Variants in ZNF469 observed in about 807,000 individuals in gnomAD.
The protein encoded by ZNF469 is zinc finger protein 469.
A neutral mutation model predicts 1.0 loss-of-function variants in ZNF469; 1 was observed. The ratio of observed to expected loss-of-function variants is 1.00; its 90% confidence interval spans 0.35 to 4.73. The LOEUF (loss-of-function observed/expected upper bound fraction) is 4.73, where lower values mean the gene tolerates loss of function less well. Ranked by LOEUF, ZNF469 falls within the 30% of genes most tolerant of loss-of-function variation. ZNF469 has a pLI of 0.16. For synonymous variants in ZNF469, 2,703 were observed against 2,363.4 expected (o/e 1.14, Z -4.17); for missense variants, 6,100 against 5,356.3 (o/e 1.14, Z -4.33).
chr16:88,430,776 G>C lies in ZNF469; in HGVS notation c.3306G>C (p.Glu1102Asp). The change falls in exon 3 of 3, where the codon GAG (glutamate) becomes GAC (aspartate). Residue 1102 changes from glutamate (E) to aspartate (D), a missense_variant. Physicochemically the swap from Glu to Asp is conservative, Grantham distance 45 (BLOSUM62 2). Coordinates refer to ENST00000565624, the MANE Select transcript of ZNF469 (RefSeq NM_001367624.2). ...YDFASESEED[E>D]QPPPRGPGFR... Reference sequence around the variant, plus strand: ...TCGCCTCGGAGTCCGAGGAGGACGAGCAGCCTCCGCCGCGGGGCCCCGGCT... The same window carrying C: ...TCGCCTCGGAGTCCGAGGAGGACGACCAGCCTCCGCCGCGGGGCCCCGGCT... 1 of 1,525,286 alleles carries C rather than the reference G, an allele frequency of 6.6e-7. No homozygotes were observed. 94.5% of individuals were successfully genotyped at this position (1,525,286 alleles called of 1,614,324 possible). A position where few individuals can be genotyped will look rare whatever the true frequency, so the allele number is the denominator to read the frequency against.
chr16:88,159,188 C>T, the ZNF469 span, among the ~76,000 whole-genome samples: 1,210 of 76,774 alleles, frequency 0.016, no homozygotes, highest in African/African-American at 0.045. Context: ...GTCCTGGTCA[C>T]GGATGCTCAC....
the ZNF469 span, among the ~76,000 whole-genome samples, chr16:88,159,466 C>T: frequency 4.2e-3 from 635 of 152,170 alleles, 5 homozygotes; most frequent in African/African-American, 0.015. Context: ...GATCTCGTGT[C>T]CATGTGGTGC....
At chr16:88,414,117 G>A (rs1469239233) in intron 1 of ZNF469, among the ~76,000 whole-genome samples, 7 of 152,184 alleles carry the variant, frequency 4.6e-5, no homozygotes, top group Non-Finnish European at 1.0e-4. Context: ...CTGGCTGCCT[G>A]CAGTGGGTCC....
the ZNF469 span, among the ~76,000 whole-genome samples, chr16:88,325,246 G>A: frequency 8.3e-6 from 1 of 120,476 alleles, no homozygotes; most frequent in East Asian, 2.3e-4. Context: ...AGTCCTCACC[G>A]GCACACTCCA....
chr16:88,261,167 G>A, the ZNF469 span, among the ~76,000 whole-genome samples: 53 of 152,340 alleles, frequency 3.5e-4, no homozygotes, highest in Non-Finnish European at 4.7e-4. The surrounding 1 kb of genome is among the most constrained non-coding windows in gnomAD (Gnocchi z 6.0). Flanking sequence ...GACACAGGTG[G>A]GCCCTTCTGG....
the ZNF469 span, among the ~76,000 whole-genome samples, chr16:88,192,901 G>T: frequency 9.1e-4 from 136 of 149,520 alleles, no homozygotes; most frequent in Non-Finnish European, 1.6e-3. Context: ...GGTGATGGTG[G>T]TGATGATGGA....
At chr16:88,135,754 T>TC in the ZNF469 span, among the ~76,000 whole-genome samples, 78 of 116,580 alleles carry the variant, frequency 6.7e-4, 15 homozygotes, top group East Asian at 5.1e-3. Flanking sequence ...CCATGTTTTT[T>TC]TTTTTTTTTT....
At chr16:88,308,893 C>G in the ZNF469 span, among the ~76,000 whole-genome samples, 1 of 152,310 alleles carries the variant, frequency 6.6e-6, no homozygotes, top group Admixed American at 6.5e-5. Context: ...ATCCTGAGCT[C>G]ACCTCCACAT....
chr16:88,159,394 G>C, the ZNF469 span, among the ~76,000 whole-genome samples: 1 of 152,144 alleles, frequency 6.6e-6, no homozygotes, highest in African/African-American at 2.4e-5. Context: ...ACCGTGCCAC[G>C]GCTCACGGGT....
rs540296534 is a variant in ZNF469, at chr16:88,391,113, T to C, written c.-192+7859T>C. Among the ~76,000 whole-genome samples, 17 of 152,380 alleles carry C rather than the reference T, an allele frequency of 1.1e-4. No homozygotes were observed. In the South Asian group the frequency reaches 3.5e-3, roughly 32 times the overall value. The stretch of plus-strand genomic sequence containing the variant: ...GGAGGTGTGATATAGAATCCCACTG[T>C]GCCAGCTGCTGCCCGGGAGACTGTG... On this transcript the variant is annotated intron_variant, in intron 1 of 2. Coordinates refer to ENST00000565624, the MANE Select transcript of ZNF469 (RefSeq NM_001367624.2).
chr16:88,352,559 C>A, the ZNF469 span, among the ~76,000 whole-genome samples: 2 of 152,248 alleles, frequency 1.3e-5, no homozygotes, highest in African/African-American at 4.8e-5. Context: ...GCCCTCAGGC[C>A]TGTGTCCTTG....
At chr16:88,111,739 C>T in the ZNF469 span, among the ~76,000 whole-genome samples, 2 of 152,298 alleles carry the variant, frequency 1.3e-5, no homozygotes, top group East Asian at 3.9e-4. Context: ...CGGGTTCAAG[C>T]GATCCTCCTG....
the ZNF469 span, among the ~76,000 whole-genome samples, chr16:88,142,167 A>G: frequency 1.3e-5 from 2 of 152,244 alleles, no homozygotes; most frequent in Admixed American, 6.5e-5. Flanking sequence ...GGCCACGTTC[A>G]GCACAGGGAA....
chr16:88,380,780 A>ACTCACAGACGTC (rs1567495617), upstream of ZNF469, among the ~76,000 whole-genome samples: 1 of 125,836 alleles, frequency 7.9e-6, no homozygotes, highest in Non-Finnish European at 1.6e-5. Flanking sequence ...ACACACATGC[A>ACTCACAGACGTC]CTCACACACA....
the ZNF469 span, among the ~76,000 whole-genome samples, chr16:88,103,306 G>A: frequency 5.9e-5 from 9 of 152,216 alleles, no homozygotes; most frequent in South Asian, 2.1e-4. Context: ...AGCAGTCCAC[G>A]GGCCATGAGA....
At chr16:88,398,482 G>A (rs999379957) in intron 1 of ZNF469, among the ~76,000 whole-genome samples, 2 of 151,886 alleles carry the variant, frequency 1.3e-5, no homozygotes, top group Non-Finnish European at 1.5e-5. Context: ...AGCCACGGAT[G>A]AAGGGGGGCA....
chr16:88,434,357 A>G lies in ZNF469; in HGVS notation c.6887A>G (p.Glu2296Gly). ...CTGTCCAGCACTCCCACCGGAGATGAGGCACAGGCAGGCAGGGGACTCCCA... is the reference window on the plus strand; with the variant it reads ...CTGTCCAGCACTCCCACCGGAGATGGGGCACAGGCAGGCAGGGGACTCCCA... Reference protein sequence around the residue: ...TGLSSTPTGDEAQAGRGLPGP... With the variant: ...TGLSSTPTGDGAQAGRGLPGP... Residue 2296 changes from glutamate (E) to glycine (G), a missense_variant, in exon 3 of 3, where the codon GAG becomes GGG. By Grantham distance (98) the Glu-to-Gly change is moderately conservative. Coordinates refer to ENST00000565624, the MANE Select transcript of ZNF469 (RefSeq NM_001367624.2). 1.3e-6 allele frequency: 2 copies of G among 1,550,048 alleles called. No individual in the cohort carries two copies. The highest frequency in any genetic ancestry group is 4.9e-5 in the East Asian group (2 of 40,908).
the ZNF469 span, among the ~76,000 whole-genome samples, chr16:88,177,072 A>G: frequency 6.6e-6 from 1 of 152,206 alleles, no homozygotes; most frequent in African/African-American, 2.4e-5. This position sits in a 1 kb window ranked among gnomAD's most constrained non-coding sequence, Gnocchi z 4.8. Flanking sequence ...CTGACAGGTG[A>G]TAATGTTTGA....
At chr16:88,186,451 G>T in the ZNF469 span, among the ~76,000 whole-genome samples, 40 of 152,334 alleles carry the variant, frequency 2.6e-4, no homozygotes, top group African/African-American at 7.9e-4. Flanking sequence ...TGCGCTGGGG[G>T]AAGGTGAGCC....
Sources: gnomAD v4.1 joint callset for allele counts (sites outside exome capture counted in the v4.1 genomes callset) on GRCh38, gnomAD v4.1.1 for gene constraint, Gnocchi (gnomAD v3.1) non-coding constraint, MANE v1.5 for transcripts, NCBI Gene and HGNC (gene_info 2026-07-23, HGNC 2026-07-21) for gene names.